The following MIR2052HG variants were observed in gnomAD, a reference collection of about 807,000 sequenced individuals.
MIR2052HG encodes the protein MIR2052 host gene.
At chr8:74,708,619 A>T (rs1418238703) in intron 4 of MIR2052HG, among the ~76,000 whole-genome samples, 1 of 152,136 alleles carries the variant, frequency 6.6e-6, no homozygotes, top group Non-Finnish European at 1.5e-5. Context: ...TTTCATCATG[A>T]AGCTAAACAA....
At chr8:74,666,873 A>C (rs1197079112) in intron 2 of MIR2052HG, among the ~76,000 whole-genome samples, 1 of 152,168 alleles carries the variant, frequency 6.6e-6, no homozygotes, top group African/African-American at 2.4e-5. Flanking sequence ...CAGTTCTGCT[A>C]GTCCTACTTG....
chr8:74,661,311 T>C (rs1490125808), intron 2 of MIR2052HG, among the ~76,000 whole-genome samples: 1 of 151,560 alleles, frequency 6.6e-6, no homozygotes, highest in East Asian at 2.0e-4. Flanking sequence ...CAAGCGATTC[T>C]CCTGCCTCAG....
At chr8:74,623,413 CAT>C (rs549614998) in intron 2 of MIR2052HG, among the ~76,000 whole-genome samples, 130 of 152,218 alleles carry the variant, frequency 8.5e-4, no homozygotes, top group South Asian at 3.5e-3. Flanking sequence ...AAGATGTACT[CAT>C]GTCACTGAAG....
chr8:74,750,173 T>G (rs1038185033), intron 4 of MIR2052HG, among the ~76,000 whole-genome samples: 4 of 152,208 alleles, frequency 2.6e-5, no homozygotes, highest in Non-Finnish European at 5.9e-5. Context: ...GTCTGATCAT[T>G]TTGAAGCGAT....
At chr8:74,608,831 C>G (rs1808150181) in intron 1 of MIR2052HG, among the ~76,000 whole-genome samples, 1 of 151,898 alleles carries the variant, frequency 6.6e-6, no homozygotes, top group Admixed American at 6.6e-5. Flanking sequence ...CACCAACTAC[C>G]TGTATTAGAA....
chr8:74,756,204 C>T (rs1809998867), intron 5 of MIR2052HG, among the ~76,000 whole-genome samples: 1 of 152,196 alleles, frequency 6.6e-6, no homozygotes. Context: ...ATATGGGACA[C>T]ACAGAATGAG....
intron 2 of MIR2052HG, among the ~76,000 whole-genome samples, chr8:74,615,593 T>G (rs1302730493): frequency 1.3e-5 from 2 of 152,164 alleles, no homozygotes; most frequent in South Asian, 2.1e-4. Context: ...GCAACTCCAT[T>G]GTCTTGTGTT....
intron 2 of MIR2052HG, among the ~76,000 whole-genome samples, chr8:74,620,414 C>T (rs1179060023): frequency 6.6e-6 from 1 of 152,196 alleles, no homozygotes; most frequent in African/African-American, 2.4e-5. Flanking sequence ...TCTGCACTGC[C>T]CTCACAGAGG....
At chr8:74,671,853 G>T (rs1808996501) in intron 2 of MIR2052HG, among the ~76,000 whole-genome samples, 1 of 152,072 alleles carries the variant, frequency 6.6e-6, no homozygotes, top group Non-Finnish European at 1.5e-5. Context: ...TCCATTAACA[G>T]AAACCCACTA....
chr8:74,601,969 A>T (rs1476736664), intron 1 of MIR2052HG, among the ~76,000 whole-genome samples: 3 of 152,198 alleles, frequency 2.0e-5, no homozygotes, highest in Admixed American at 1.3e-4. Flanking sequence ...AGTAAATTTT[A>T]ATTAGTTTTC....
At chr8:74,659,052 G>A (rs528884562) in intron 2 of MIR2052HG, among the ~76,000 whole-genome samples, 7 of 152,338 alleles carry the variant, frequency 4.6e-5, no homozygotes, top group African/African-American at 1.4e-4. Context: ...CAGGACTAGT[G>A]TCTGAAAGTT....
At chr8:74,604,496 G>A (rs1222299331) in intron 1 of MIR2052HG, among the ~76,000 whole-genome samples, 2 of 131,852 alleles carry the variant, frequency 1.5e-5, no homozygotes, top group Admixed American at 7.5e-5. Flanking sequence ...ACCCCGGGGC[G>A]GGTGGGGGTG....
rs145337305 is a variant in MIR2052HG at position 74,746,466 on chromosome 8, A to G, written n.372-5975A>G. Among the ~76,000 whole-genome samples, 716 of 152,274 alleles carry G rather than the reference A, an allele frequency of 4.7e-3. 3 individuals are homozygous for G. The highest frequency in any genetic ancestry group is 0.016 in the African/African-American group (649 of 41,570). ...GTGAAGGGGACAGACACAAATAAGT[A>G]AATAACTCCAAGCAAAAGCAATATG... is the stretch of plus-strand genomic sequence containing the variant. On this transcript the variant is annotated intron_variant and non_coding_transcript_variant, in intron 4 of 6. Coordinates refer to ENST00000523442, the Ensembl canonical transcript of MIR2052HG.
At chr8:74,693,126 A>G (rs1159129693) in intron 2 of MIR2052HG, among the ~76,000 whole-genome samples, 1 of 152,194 alleles carries the variant, frequency 6.6e-6, no homozygotes, top group African/African-American at 2.4e-5. Flanking sequence ...ATCATGGGCA[A>G]CTCAATGTTT....
intron 2 of MIR2052HG, among the ~76,000 whole-genome samples, chr8:74,679,387 C>G (rs1334390747): frequency 6.6e-6 from 1 of 152,024 alleles, no homozygotes; most frequent in East Asian, 1.9e-4. Context: ...CAGTAATGGT[C>G]TCCAACTCCA....
At chr8:74,757,718 G>A (rs990060192) in intron 5 of MIR2052HG, 1 of 152,154 alleles carries the variant, frequency 6.6e-6, no homozygotes, top group African/African-American at 2.4e-5. Context: ...AGAACATCCT[G>A]AGAAAGAGCT....
intron 1 of MIR2052HG, chr8:74,604,290 T>C (rs1261313392): frequency 1.4e-6 from 1 of 718,964 alleles, no homozygotes; most frequent in Non-Finnish European, 2.6e-6. Flanking sequence ...GTCAAGTCTT[T>C]GGTCACTGAT....
rs1807994180 is a variant in MIR2052HG, at chr8:74,601,123, C to T, written n.128+1215C>T. The stretch of plus-strand genomic sequence containing the variant: ...GCAGTCAGGTTGGCTAGGAACTCAG[C>T]CAATTTGTTTTCTTTCCTCAATTTC... On this transcript the variant is annotated intron_variant and non_coding_transcript_variant, in intron 1 of 6. Transcript: ENST00000523442. Among the ~76,000 whole-genome samples, 3 of 152,132 alleles carry T rather than the reference C, an allele frequency of 2.0e-5. No homozygotes were observed. In the South Asian group the frequency reaches 6.2e-4, roughly 32 times the overall value.
At chr8:74,692,560 A>G (rs1162340209) in intron 2 of MIR2052HG, among the ~76,000 whole-genome samples, 1 of 152,164 alleles carries the variant, frequency 6.6e-6, no homozygotes, top group Non-Finnish European at 1.5e-5. Context: ...GAAACACACT[A>G]CTAGAATTCA....
Sources: allele counts gnomAD v4.1 joint callset (sites outside exome capture counted in the v4.1 genomes callset), GRCh38; gene constraint gnomAD v4.1.1; transcripts MANE v1.5; gene names NCBI Gene and HGNC (gene_info 2026-07-23, HGNC 2026-07-21).